Variants in NECTIN1 observed in about 807,000 individuals in gnomAD.
NECTIN1 encodes nectin cell adhesion molecule 1.
A neutral mutation model predicts 48.0 loss-of-function variants in NECTIN1; 23 were observed. That is an observed-to-expected ratio of 0.48 (90% CI 0.34 to 0.68). The LOEUF (loss-of-function observed/expected upper bound fraction) is 0.68, where lower values mean the gene tolerates loss of function less well. Among genes scored for constraint, NECTIN1 ranks in the 30% least tolerant of loss-of-function variants. The pLI, the probability that NECTIN1 is intolerant of heterozygous loss-of-function variation, is 0.01. For missense variants in NECTIN1, 591 were observed against 709.9 expected, an observed-to-expected ratio of 0.83 and a Z score of 1.90; for synonymous variants, 270 against 288.9, an observed-to-expected ratio of 0.93 and a Z score of 0.66.
downstream of NECTIN1, among the ~76,000 whole-genome samples, chr11:119,657,774 A>ATAATAATAATAATAC (rs1307590815): frequency 3.0e-3 from 447 of 146,962 alleles, 4 homozygotes; most frequent in African/African-American, 0.011. Context: ...AATAATAATA[A>ATAATAATAATAATAC]TACTAGCTGG....
intron 5 of NECTIN1, among the ~76,000 whole-genome samples, chr11:119,649,234 A>T (rs1466492782): frequency 6.6e-6 from 1 of 152,148 alleles, no homozygotes; most frequent in Non-Finnish European, 1.5e-5. Context: ...CAAAAAAATT[A>T]GCTGGGCATG....
In NECTIN1 at chr11:119,683,217, G is replaced by A. The variant is rs1178633233; in HGVS notation, c.80-4452C>T. 1.3e-5 allele frequency among the ~76,000 whole-genome samples: 2 copies of A among 152,228 alleles called. No homozygotes were observed. The highest frequency in any genetic ancestry group is 2.9e-5 in the Non-Finnish European group (2 of 68,040). On this transcript the variant is annotated intron_variant, in intron 1 of 5. Transcript: ENST00000264025. This position sits in a 1 kb window ranked among gnomAD's most constrained non-coding sequence, Gnocchi z 4.0. Reference sequence around the variant, plus strand: ...CCCTCTTACATGAGAAGCAGAGGCTGGCCCAGATGTGGGAACTGGGACCAC... The same window carrying A: ...CCCTCTTACATGAGAAGCAGAGGCTAGCCCAGATGTGGGAACTGGGACCAC...
chr11:119,656,050 A>C (rs1468301256), downstream of NECTIN1, among the ~76,000 whole-genome samples: 2 of 152,128 alleles, frequency 1.3e-5, no homozygotes, highest in Non-Finnish European at 2.9e-5. Context: ...GGTGTTCACC[A>C]CACCTGGATA....
At position 119,677,351 on chromosome 11, in the gene NECTIN1, A is replaced by C; in HGVS notation, c.734-132T>G. On this transcript the variant is annotated intron_variant, in intron 3 of 5. Coordinates refer to ENST00000264025, the MANE Select transcript of NECTIN1 (RefSeq NM_002855.5). The surrounding 1 kb of genome is among the most constrained non-coding windows in gnomAD (Gnocchi z 5.4). ...CAGGAGAGAGGGAAGTGTGGGTGGGAGGGTGGCAATCACAGAGCCCGGGAG... is the reference window on the plus strand; with the variant it reads ...CAGGAGAGAGGGAAGTGTGGGTGGGCGGGTGGCAATCACAGAGCCCGGGAG... 1.0e-6 allele frequency: 1 copy of C among 999,524 alleles called. No individual in the cohort carries two copies. The highest frequency in any genetic ancestry group is 1.6e-6 in the Non-Finnish European group (1 of 636,368). The allele number at this position is 999,524 out of a possible 1,614,324, so 61.9% of individuals were successfully genotyped here.
At position 119,664,682 on chromosome 11, in the gene NECTIN1, G is replaced by T; in HGVS notation, c.*65C>A. 1 of 1,486,676 alleles carries T rather than the reference G, an allele frequency of 6.7e-7. No homozygotes were observed. Among genetic ancestry groups the T allele is most frequent in the Non-Finnish European group, 9.0e-7 (1 of 1,110,054 alleles). The allele number at this position is 1,486,676 out of a possible 1,614,324, so 92.1% of individuals were successfully genotyped here. On this transcript the variant is annotated 3_prime_UTR_variant, in exon 6 of 6. Transcript: ENST00000264025. ...GCTCCTGGAGTGGGAGGTGGGGGGTGGGCAGGGGGCGTGCGGGGAGGGGCT... is the reference window on the plus strand; with the variant it reads ...GCTCCTGGAGTGGGAGGTGGGGGGTTGGCAGGGGGCGTGCGGGGAGGGGCT...
chr11:119,722,749 C>T (rs530459644), intron 1 of NECTIN1, among the ~76,000 whole-genome samples: 3 of 152,332 alleles, frequency 2.0e-5, no homozygotes, highest in African/African-American at 7.2e-5. Context: ...GTCAGCAGTG[C>T]GCAGGCAGCT....
intron 5 of NECTIN1, among the ~76,000 whole-genome samples, chr11:119,645,669 C>G (rs970097025): frequency 6.6e-6 from 1 of 152,202 alleles, no homozygotes; most frequent in Non-Finnish European, 1.5e-5. Context: ...TCTCTGTCTC[C>G]GTCTCAACAT....
At chr11:119,651,490 G>T (rs1440257515) in intron 5 of NECTIN1, among the ~76,000 whole-genome samples, 1 of 152,106 alleles carries the variant, frequency 6.6e-6, no homozygotes, top group Non-Finnish European at 1.5e-5. Context: ...GGAGACATGG[G>T]GAGCCTGCTC....
chr11:119,706,029 T>A (rs993577903), intron 1 of NECTIN1, among the ~76,000 whole-genome samples: 1 of 152,188 alleles, frequency 6.6e-6, no homozygotes, highest in Non-Finnish European at 1.5e-5. Context: ...ACAAGAGAGA[T>A]GCTTGTTCCC....
At chr11:119,642,304 T>C (rs1391558077) in intron 5 of NECTIN1, 1 of 152,056 alleles carries the variant, frequency 6.6e-6, no homozygotes, top group East Asian at 1.9e-4. Flanking sequence ...TATCCCCTTT[T>C]CTTCTCAGCA....
At chr11:119,640,816 C>T (rs1393654328) in intron 5 of NECTIN1, 1 of 152,286 alleles carries the variant, frequency 6.6e-6, no homozygotes, top group Non-Finnish European at 1.5e-5. Context: ...TTTCTCACCT[C>T]TGACCTTTAC....
intron 1 of NECTIN1, among the ~76,000 whole-genome samples, chr11:119,705,075 C>T (rs935072774): frequency 7.9e-5 from 12 of 152,140 alleles, no homozygotes; most frequent in African/African-American, 2.9e-4. Flanking sequence ...TAAGGCTCTA[C>T]GGGAGGCCAG....
chr11:119,699,026 CG>C (rs1241302970), intron 1 of NECTIN1, among the ~76,000 whole-genome samples: 1 of 152,142 alleles, frequency 6.6e-6, no homozygotes, highest in Non-Finnish European at 1.5e-5. Context: ...ATTGTTTCCT[CG>C]AAAATCAGCA....
chr11:119,640,217 T>G, intron 5 of NECTIN1: 1 of 616,248 alleles, frequency 1.6e-6, no homozygotes, highest in Non-Finnish European at 2.9e-6. Context: ...CCTATGACCC[T>G]GTAACCCCAC....
chr11:119,668,748 G>A (rs1242368821), intron 5 of NECTIN1, among the ~76,000 whole-genome samples: 1 of 152,204 alleles, frequency 6.6e-6, no homozygotes, highest in African/African-American at 2.4e-5. Context: ...GCATGGTAAA[G>A]CCTGTATAAA....
chr11:119,649,261 G>C (rs542128799), intron 5 of NECTIN1, among the ~76,000 whole-genome samples: 1 of 152,054 alleles, frequency 6.6e-6, no homozygotes, highest in African/African-American at 2.4e-5. Flanking sequence ...TGCGCCTGTC[G>C]TCCCAGCTAC....
rs546392468 is a variant in NECTIN1 at position 119,709,942 on chromosome 11, A to C, written c.79+18533T>G. The C allele has an allele frequency of 6.6e-6, 1 of 152,298 alleles. No homozygotes were observed. Among genetic ancestry groups the C allele is most frequent in the Non-Finnish European group, 1.5e-5 (1 of 68,116 alleles). The allele number at this position is 152,298 out of a possible 1,614,324, so 9.4% of individuals were successfully genotyped here. On this transcript the variant is annotated intron_variant, in intron 1 of 5. Coordinates refer to ENST00000264025, the MANE Select transcript of NECTIN1 (RefSeq NM_002855.5). The surrounding 1 kb of genome is among the most constrained non-coding windows in gnomAD (Gnocchi z 4.1). ...TAAACAGGGCAGAGATGGATAGGGA[A>C]GGGAGTGTGATGTGACGAGGCCGCA...
intron 1 of NECTIN1, among the ~76,000 whole-genome samples, chr11:119,724,586 C>T (rs1242581736): frequency 1.3e-5 from 2 of 152,232 alleles, no homozygotes; most frequent in Admixed American, 1.3e-4. Flanking sequence ...TAGGCATTCT[C>T]AAGTCTGGAC....
At chr11:119,712,475 TC>T (rs1865670392) in intron 1 of NECTIN1, among the ~76,000 whole-genome samples, 1 of 152,036 alleles carries the variant, frequency 6.6e-6, no homozygotes, top group Admixed American at 6.5e-5. Flanking sequence ...AGTTCATCCA[TC>T]ACTACTGTAC....
Sources: gnomAD v4.1 joint callset for allele counts (sites outside exome capture counted in the v4.1 genomes callset) on GRCh38, gnomAD v4.1.1 for gene constraint, Gnocchi (gnomAD v3.1) non-coding constraint, MANE v1.5 for transcripts, NCBI Gene and HGNC (gene_info 2026-07-23, HGNC 2026-07-21) for gene names.